PLXDC2: variants seen among roughly 807,000 people sequenced by gnomAD.
The protein encoded by PLXDC2 is plexin domain containing 2.
PLXDC2 carries 40 observed loss-of-function variants against 68.9 expected under a neutral mutation model. The observed-to-expected ratio is 0.58, with a 90% CI of 0.45 to 0.76. The LOEUF (loss-of-function observed/expected upper bound fraction) is 0.76, where lower values mean the gene tolerates loss of function less well. Among genes scored for constraint, PLXDC2 ranks in the 30% least tolerant of loss-of-function variants. PLXDC2 has a pLI of 0.00. For missense variants in PLXDC2, 644 were observed against 661.9 expected (o/e 0.97, Z 0.30); for synonymous variants, 243 against 234.2 (o/e 1.04, Z -0.34).
At chr10:19,861,907 A>G (rs765588519) in intron 1 of PLXDC2, among the ~76,000 whole-genome samples, 5 of 152,180 alleles carry the variant, frequency 3.3e-5, no homozygotes, top group Admixed American at 6.5e-5. Flanking sequence ...CACTCGGAGA[A>G]GGTGTTATTT....
At chr10:20,230,743 C>T (rs190104944) in intron 12 of PLXDC2, among the ~76,000 whole-genome samples, 33 of 124,152 alleles carry the variant, frequency 2.7e-4, no homozygotes, top group South Asian at 2.4e-3. Context: ...TCATTAGGAA[C>T]CATTATAATT....
intron 4 of PLXDC2, among the ~76,000 whole-genome samples, chr10:20,097,008 A>G (rs1464417263): frequency 1.3e-5 from 2 of 151,884 alleles, no homozygotes; most frequent in African/African-American, 4.8e-5. Flanking sequence ...TGGTTTTCAG[A>G]TCTATCTATT....
intron 4 of PLXDC2, among the ~76,000 whole-genome samples, chr10:20,111,809 T>C (rs1174742917): frequency 6.6e-6 from 1 of 152,230 alleles, no homozygotes; most frequent in Non-Finnish European, 1.5e-5. Context: ...TCCTAACGTA[T>C]ACTTCAAGTA....
At chr10:19,853,287 G>A (rs1323665657) in intron 1 of PLXDC2, among the ~76,000 whole-genome samples, 2 of 152,148 alleles carry the variant, frequency 1.3e-5, no homozygotes, top group Non-Finnish European at 2.9e-5. Flanking sequence ...AATAAGAACT[G>A]CAAAGAATGT....
At chr10:19,877,982 C>T (rs1260056348) in intron 1 of PLXDC2, among the ~76,000 whole-genome samples, 1 of 152,172 alleles carries the variant, frequency 6.6e-6, no homozygotes, top group African/African-American at 2.4e-5. Context: ...CAATATGTCC[C>T]ATAATGATCA....
chr10:19,914,950 T>A (rs1055679663), intron 1 of PLXDC2, among the ~76,000 whole-genome samples: 4 of 152,178 alleles, frequency 2.6e-5, no homozygotes, highest in Non-Finnish European at 5.9e-5. Context: ...CCTCTCTAGA[T>A]TTCTTTTGAT....
rs148113935 is a variant in PLXDC2, at chr10:20,245,462, T to C, written c.1430T>C (p.Met477Thr). ...ACAGCCATTCTTGTGACAGTCTATATGTATCACCACCCAACATCAGCAGCC... is the reference window on the plus strand; with the variant it reads ...ACAGCCATTCTTGTGACAGTCTATACGTATCACCACCCAACATCAGCAGCC... ...VATAILVTVY[M>T]YHHPTSAASI... The change falls in exon 13 of 14, where the codon ATG becomes ACG. Residue 477 changes from methionine to threonine, a missense_variant. By Grantham distance (81) the Met-to-Thr change is moderately conservative (BLOSUM62 -1). Around this residue, in one of 3 missense-constraint regions of PLXDC2, gnomAD observed 330 missense variants for 327.9 expected, o/e 1.01. Coordinates refer to ENST00000377252, the MANE Select transcript of PLXDC2 (RefSeq NM_032812.9). 247 of 1,613,078 alleles carry C rather than the reference T, an allele frequency of 1.5e-4. No homozygotes were observed. Among genetic ancestry groups the C allele is most frequent in the Non-Finnish European group, 2.0e-4 (232 of 1,179,924 alleles).
At chr10:19,982,825 G>T (rs908754033) in intron 1 of PLXDC2, among the ~76,000 whole-genome samples, 4 of 152,062 alleles carry the variant, frequency 2.6e-5, no homozygotes, top group Non-Finnish European at 5.9e-5. Context: ...TTCACAGGTG[G>T]TCATTCGTAT....
intron 4 of PLXDC2, among the ~76,000 whole-genome samples, chr10:20,131,597 A>G (rs1434962619): frequency 6.6e-6 from 1 of 152,066 alleles, no homozygotes; most frequent in African/African-American, 2.4e-5. Flanking sequence ...ACAGGGTTTC[A>G]TCATATTGGT....
chr10:20,193,924 G>A (rs1283941195), intron 9 of PLXDC2, among the ~76,000 whole-genome samples: 2 of 151,872 alleles, frequency 1.3e-5, no homozygotes, highest in Non-Finnish European at 2.9e-5. Flanking sequence ...CAAGGAAATA[G>A]GGAAGAACAC....
chr10:20,125,700 T>C (rs775274326), intron 4 of PLXDC2, among the ~76,000 whole-genome samples: 1 of 152,152 alleles, frequency 6.6e-6, no homozygotes, highest in East Asian at 1.9e-4. Context: ...ATGCTCCTTA[T>C]ATTTGTGTTG....
intron 1 of PLXDC2, among the ~76,000 whole-genome samples, chr10:19,941,956 CAGCCTTTGACATTT>C (rs1234845941): frequency 2.7e-5 from 4 of 148,544 alleles, no homozygotes; most frequent in African/African-American, 9.9e-5. Context: ...TGTTTGTTTC[CAGCCTTTGACATTT>C]AGAGAAAAAA....
At chr10:20,112,935 T>G (rs1833577042) in intron 4 of PLXDC2, among the ~76,000 whole-genome samples, 1 of 152,228 alleles carries the variant, frequency 6.6e-6, no homozygotes, top group Non-Finnish European at 1.5e-5. Flanking sequence ...TGAAATAAAA[T>G]GACCCTTGAA....
At chr10:20,195,515 T>C (rs1275839958) in intron 9 of PLXDC2, among the ~76,000 whole-genome samples, 1 of 152,098 alleles carries the variant, frequency 6.6e-6, no homozygotes, top group African/African-American at 2.4e-5. Context: ...ATGATAATGG[T>C]CTTCTCTATT....
At chr10:19,818,050 A>G (rs1230424680) in intron 1 of PLXDC2, among the ~76,000 whole-genome samples, 1 of 152,102 alleles carries the variant, frequency 6.6e-6, no homozygotes, top group Non-Finnish European at 1.5e-5. Flanking sequence ...TCTGCCTTTC[A>G]GTGAAGAAAG....
At position 20,158,673 on chromosome 10, in the gene PLXDC2, G is replaced by A. The variant is rs28394181; in HGVS notation, c.784-5795G>A. Among the ~76,000 whole-genome samples, 1,056 of 148,494 alleles carry A rather than the reference G, an allele frequency of 7.1e-3. 17 individuals are homozygous for A. The highest frequency in any genetic ancestry group is 0.025 in the African/African-American group (1,007 of 40,828). On this transcript the variant is annotated intron_variant, in intron 6 of 13. Transcript: ENST00000377252. ...ATGAGACTCTGTCTCAAATAAATAA[G>A]TAAATAAATAAATAAATAAATAAAT...
intron 1 of PLXDC2, among the ~76,000 whole-genome samples, chr10:19,884,873 T>C (rs1418817352): frequency 1.3e-5 from 2 of 152,206 alleles, no homozygotes; most frequent in African/African-American, 2.4e-5. Context: ...TACCCAGTAA[T>C]GGGATGGCTG....
In PLXDC2 at chr10:20,245,385, C is replaced by G; in HGVS notation, c.1353C>G (p.Thr451=). ...GTGCAGCTGAGAAGAAAGGGGGAAC[C>G]CTCCACGCTGGCCTCATCATTGGAA... The part of the protein sequence containing the change: ...DDSAAEKKGG[T]LHAGLIIGIL... The change falls in exon 13 of 14, where the codon ACC becomes ACG. Residue 451 remains threonine, a synonymous_variant. Coordinates refer to ENST00000377252, the MANE Select transcript of PLXDC2 (RefSeq NM_032812.9). The G allele has an allele frequency of 6.2e-7, 1 of 1,613,826 alleles. No homozygotes were observed. The highest frequency in any genetic ancestry group is 8.5e-7 in the Non-Finnish European group (1 of 1,179,850).
chr10:20,046,365 A>G (rs1211275073), intron 2 of PLXDC2, among the ~76,000 whole-genome samples: 1 of 152,106 alleles, frequency 6.6e-6, no homozygotes, highest in African/African-American at 2.4e-5. Flanking sequence ...AGAAGGAAAT[A>G]TATATTGAAA....
Sources: gnomAD v4.1 joint callset for allele counts (sites outside exome capture counted in the v4.1 genomes callset) on GRCh38, gnomAD v4.1.1 for gene constraint, gnomAD v4.1.1 regional missense constraint, MANE v1.5 for transcripts, NCBI Gene and HGNC (gene_info 2026-07-23, HGNC 2026-07-21) for gene names.